PTAFR: variants seen among roughly 807,000 people sequenced by gnomAD.
The protein encoded by PTAFR is platelet-activating factor receptor.
A neutral mutation model predicts 14.7 loss-of-function variants in PTAFR; 8 were observed. The observed-to-expected ratio is 0.54, with a 90% CI of 0.32 to 0.98. The LOEUF (loss-of-function observed/expected upper bound fraction) is 0.98, where lower values mean the gene tolerates loss of function less well. Among genes scored for constraint, PTAFR ranks in the 50% least tolerant of loss-of-function variants. The pLI, the probability that PTAFR is intolerant of heterozygous loss-of-function variation, is 0.04. For synonymous variants in PTAFR, 156 were observed against 176.5 expected (o/e 0.88, Z 0.92); for missense variants, 337 against 451.2 (o/e 0.75, Z 2.29).
At chr1:28,172,225 A>G (rs1472225789) in intron 1 of PTAFR, among the ~76,000 whole-genome samples, 2 of 152,194 alleles carry the variant, frequency 1.3e-5, no homozygotes, top group Middle Eastern at 3.2e-3. Flanking sequence ...CATGCTGGCC[A>G]GGCTGGTCTC....
intron 1 of PTAFR, among the ~76,000 whole-genome samples, chr1:28,173,007 C>T (rs560253741): frequency 1.3e-5 from 2 of 150,642 alleles, no homozygotes; most frequent in East Asian, 1.9e-4. Context: ...CAGTGGCTCA[C>T]GCCTGTAATC....
intron 1 of PTAFR, among the ~76,000 whole-genome samples, chr1:28,167,429 A>G (rs115720583): frequency 0.031 from 4,771 of 152,214 alleles, 255 homozygotes; most frequent in African/African-American, 0.11. Flanking sequence ...AACCCACTGG[A>G]ATGGCCACTA....
At chr1:28,164,107 G>A (rs141877283) in intron 1 of PTAFR, among the ~76,000 whole-genome samples, 1 of 152,292 alleles carries the variant, frequency 6.6e-6, no homozygotes, top group East Asian at 1.9e-4. Context: ...CCTGGAGAAG[G>A]GGTTCTCATC....
At position 28,151,007 on chromosome 1, in the gene PTAFR, G is replaced by C. The variant is rs1399534556; in HGVS notation, c.15C>G (p.Asp5Glu). 10 of 1,591,932 alleles carry C rather than the reference G, an allele frequency of 6.3e-6. No individual in the cohort carries two copies. In the African/African-American group the frequency reaches 1.3e-4, roughly 21 times the overall value. The change falls in exon 2 of 2, where the codon GAC becomes GAG. Residue 5 changes from aspartate (D) to glutamate (E), a missense_variant. Physicochemically the swap from Asp to Glu is conservative, Grantham distance 45. Coordinates refer to ENST00000373857, the MANE Select transcript of PTAFR (RefSeq NM_000952.5). ...GGAACTCAGAGTCCATGTGGGAGGAGTCATGTGGCTCCATTGCTGTGGGCT... is the reference window on the plus strand; with the variant it reads ...GGAACTCAGAGTCCATGTGGGAGGACTCATGTGGCTCCATTGCTGTGGGCT... The part of the protein sequence containing the change: MEPH[D>E]SSHMDSEFRY...
At chr1:28,193,670 C>G (rs1646675493) in intron 1 of PTAFR, 1 of 152,736 alleles carries the variant, frequency 6.5e-6, no homozygotes, top group Non-Finnish European at 1.5e-5. Context: ...TGCAGGGCAG[C>G]TAGACAAAGC....
intron 1 of PTAFR, among the ~76,000 whole-genome samples, chr1:28,175,254 AG>A (rs1488399086): frequency 6.6e-6 from 1 of 152,124 alleles, no homozygotes; most frequent in African/African-American, 2.4e-5. Flanking sequence ...AAAGGAGGAA[AG>A]TGGAACTTCC....
chr1:28,162,547 C>T (rs192747303), intron 1 of PTAFR, among the ~76,000 whole-genome samples: 47 of 152,202 alleles, frequency 3.1e-4, no homozygotes, highest in African/African-American at 9.4e-4. Flanking sequence ...GTATGTTGGC[C>T]GGGCATGGTG....
chr1:28,162,194 T>C (rs1406749746), intron 1 of PTAFR, among the ~76,000 whole-genome samples: 1 of 152,048 alleles, frequency 6.6e-6, no homozygotes, highest in Non-Finnish European at 1.5e-5. Context: ...AGAGAATAGA[T>C]GGTAGGGAGC....
intron 1 of PTAFR, among the ~76,000 whole-genome samples, chr1:28,159,668 T>A (rs970630840): frequency 1.5e-4 from 23 of 151,844 alleles, no homozygotes; most frequent in African/African-American, 5.6e-4. Context: ...TGAAATCCCA[T>A]CTCTAATAAA....
chr1:28,162,168 G>C (rs755249571), intron 1 of PTAFR, among the ~76,000 whole-genome samples: 1 of 152,166 alleles, frequency 6.6e-6, no homozygotes, highest in African/African-American at 2.4e-5. Flanking sequence ...GATCGGACTC[G>C]CTCTAGCTGT....
chr1:28,178,725 CCACT>C (rs1376946556), upstream of PTAFR, among the ~76,000 whole-genome samples: 1 of 151,954 alleles, frequency 6.6e-6, no homozygotes, highest in Non-Finnish European at 1.5e-5. Context: ...GCGAAGATGC[CCACT>C]CACACTGTGT....
chr1:28,184,282 G>T (rs1423763303), intron 1 of PTAFR, among the ~76,000 whole-genome samples: 1 of 151,694 alleles, frequency 6.6e-6, no homozygotes, highest in African/African-American at 2.4e-5. Context: ...TAGTAGAGAC[G>T]GGTTTTCACC....
At chr1:28,169,999 CAAAA>C (rs55770214) in intron 1 of PTAFR, among the ~76,000 whole-genome samples, 2 of 122,988 alleles carry the variant, frequency 1.6e-5, no homozygotes, top group Non-Finnish European at 1.8e-5. Flanking sequence ...GACTCCATCT[CAAAA>C]AAAAAAAAAA....
intron 1 of PTAFR, among the ~76,000 whole-genome samples, chr1:28,167,740 C>A (rs902612374): frequency 6.8e-6 from 1 of 147,466 alleles, no homozygotes; most frequent in Non-Finnish European, 1.5e-5. Context: ...CCGCCTCCCG[C>A]GTTCAAGCGG....
intron 1 of PTAFR, among the ~76,000 whole-genome samples, chr1:28,189,867 T>C (rs1329531162): frequency 2.0e-5 from 3 of 152,028 alleles, no homozygotes; most frequent in Non-Finnish European, 4.4e-5. Context: ...GGTTTCACCA[T>C]GTTGGTCAGG....
intron 1 of PTAFR, among the ~76,000 whole-genome samples, chr1:28,164,548 T>A (rs992576330): frequency 2.6e-5 from 4 of 152,212 alleles, no homozygotes; most frequent in African/African-American, 9.7e-5. Context: ...TTGCCTATGA[T>A]CATATTTCCT....
chr1:28,149,301 T>A lies in PTAFR; in HGVS notation c.*692A>T, dbSNP rs1024354410. ...CCTTTCCTAACCCAGTCTACCTCTA[T>A]CACTTGAGAGTAGTTGCCCAAAGCT... On this transcript the variant is annotated 3_prime_UTR_variant, in exon 2 of 2. Coordinates refer to ENST00000373857, the MANE Select transcript of PTAFR (RefSeq NM_000952.5). 4 of 147,516 alleles carry A rather than the reference T, an allele frequency of 2.7e-5. No homozygotes were observed. The highest frequency in any genetic ancestry group is 6.0e-5 in the Non-Finnish European group (4 of 67,066). 9.1% of individuals were successfully genotyped at this position (147,516 alleles called of 1,614,324 possible).
At chr1:28,175,789 T>C (rs1205889068) in intron 1 of PTAFR, among the ~76,000 whole-genome samples, 1 of 152,164 alleles carries the variant, frequency 6.6e-6, no homozygotes, top group East Asian at 1.9e-4. Context: ...AGATCCTTTA[T>C]ATGACCCGAC....
At chr1:28,165,760 G>A (rs965774106) in intron 1 of PTAFR, among the ~76,000 whole-genome samples, 11 of 152,080 alleles carry the variant, frequency 7.2e-5, no homozygotes, top group Non-Finnish European at 1.5e-4. Flanking sequence ...TCCAGCCTGG[G>A]TGACAGAGCG....
Sources: gnomAD v4.1 joint callset for allele counts (sites outside exome capture counted in the v4.1 genomes callset) on GRCh38, gnomAD v4.1.1 for gene constraint, MANE v1.5 for transcripts, NCBI Gene and HGNC (gene_info 2026-07-23, HGNC 2026-07-21) for gene names.